VTI1A: variants seen among roughly 807,000 people sequenced by gnomAD.
VTI1A encodes vesicle transport through interaction with t-SNAREs homolog 1A.
VTI1A carries 22 observed loss-of-function variants against 34.9 expected under a neutral mutation model. That is an observed-to-expected ratio of 0.63 (90% CI 0.45 to 0.90). The LOEUF (loss-of-function observed/expected upper bound fraction) is 0.90. VTI1A is among the 40% of genes least tolerant of loss of function. The pLI, the probability that VTI1A is intolerant of heterozygous loss-of-function variation, is 0.00. For synonymous variants in VTI1A, 87 were observed against 97.3 expected (o/e 0.89, Z 0.62); for missense variants, 268 against 275.6 (o/e 0.97, Z 0.20).
intron 3 of VTI1A, among the ~76,000 whole-genome samples, chr10:112,501,673 G>A (rs1055485442): frequency 2.8e-4 from 5 of 17,680 alleles, no homozygotes; most frequent in East Asian, 3.0e-3. Context: ...CCCACCTCCC[G>A]CCCTCAGAAA....
At chr10:112,565,896 T>C (rs1312431492) in intron 5 of VTI1A, among the ~76,000 whole-genome samples, 1 of 152,176 alleles carries the variant, frequency 6.6e-6, no homozygotes, top group Non-Finnish European at 1.5e-5. Flanking sequence ...TTATTTACTA[T>C]TTCCCATAGA....
At chr10:112,831,950 G>A in the VTI1A span, 1 of 152,186 alleles carries the variant, frequency 6.6e-6, no homozygotes, top group Non-Finnish European at 1.5e-5. Flanking sequence ...TGAGGTTTCG[G>A]CCGCTGTACA....
chr10:112,510,255 G>C (rs1849560213), intron 3 of VTI1A, among the ~76,000 whole-genome samples: 2 of 152,108 alleles, frequency 1.3e-5, no homozygotes. Context: ...GTTCCTCTAG[G>C]CATTTTTGTA....
intron 3 of VTI1A, among the ~76,000 whole-genome samples, chr10:112,475,196 G>T (rs1008098237): frequency 2.0e-5 from 3 of 152,226 alleles, no homozygotes; most frequent in African/African-American, 7.2e-5. Context: ...TTCTTCCAAT[G>T]TGACTATTTT....
the VTI1A span, among the ~76,000 whole-genome samples, chr10:112,837,550 G>C: frequency 6.6e-6 from 1 of 152,190 alleles, no homozygotes; most frequent in Non-Finnish European, 1.5e-5. Context: ...AGGAATCCTT[G>C]GTTCTGCTCC....
intron 5 of VTI1A, among the ~76,000 whole-genome samples, chr10:112,641,905 T>C (rs549951614): frequency 6.6e-6 from 1 of 152,294 alleles, no homozygotes; most frequent in East Asian, 1.9e-4. Flanking sequence ...AGAGGAACTG[T>C]TGGGCTTTGT....
intron 7 of VTI1A, among the ~76,000 whole-genome samples, chr10:112,711,252 T>C (rs1047359542): frequency 2.0e-5 from 3 of 152,222 alleles, no homozygotes; most frequent in Admixed American, 1.3e-4. Context: ...TTGTGCAGAA[T>C]AGCCCTTACC....
At chr10:112,671,554 T>A (rs1056012150) in intron 7 of VTI1A, among the ~76,000 whole-genome samples, 6 of 152,344 alleles carry the variant, frequency 3.9e-5, no homozygotes, top group South Asian at 2.1e-4. Flanking sequence ...ATTTTTAAAA[T>A]TTTTTAAACC....
intron 7 of VTI1A, among the ~76,000 whole-genome samples, chr10:112,777,362 G>A (rs981977977): frequency 3.9e-5 from 6 of 152,104 alleles, no homozygotes; most frequent in African/African-American, 1.4e-4. Flanking sequence ...AAAATTTCAG[G>A]ACCTTATGCA....
chr10:112,708,238 T>G (rs987876917), intron 7 of VTI1A, among the ~76,000 whole-genome samples: 1 of 152,260 alleles, frequency 6.6e-6, no homozygotes, highest in African/African-American at 2.4e-5. Context: ...TGTATATTAC[T>G]GTAGGTTTGT....
intron 5 of VTI1A, among the ~76,000 whole-genome samples, chr10:112,620,517 G>A (rs1012886415): frequency 3.9e-5 from 6 of 152,092 alleles, no homozygotes; most frequent in Non-Finnish European, 5.9e-5. Context: ...CTGGCTGGGC[G>A]CGGTGGCTCA....
chr10:112,573,041 C>T (rs1852202402), intron 5 of VTI1A, among the ~76,000 whole-genome samples: 1 of 151,972 alleles, frequency 6.6e-6, no homozygotes, highest in Non-Finnish European at 1.5e-5. Flanking sequence ...TGTTACCCAA[C>T]TCCTGTAGTG....
At chr10:112,621,990 G>A (rs773363627) in intron 5 of VTI1A, among the ~76,000 whole-genome samples, 4 of 152,156 alleles carry the variant, frequency 2.6e-5, no homozygotes, top group East Asian at 1.9e-4. Context: ...TGTGGGAGTC[G>A]AGAGAGAGAA....
chr10:112,811,711 A>AGATG lies in VTI1A; in HGVS notation c.561-3579_561-3578insGATG, dbSNP rs1554965461. On this transcript the variant is annotated intron_variant, in intron 7 of 7. Coordinates refer to ENST00000393077, the MANE Select transcript of VTI1A (RefSeq NM_145206.4). The stretch of plus-strand genomic sequence containing the variant: ...AAAAAAAAAAAAAAAAAAAAAAAAA[A>AGATG]AGAGTGCAGTCCATGCCTGGAAGTA... Among the ~76,000 whole-genome samples the AGATG allele has an allele frequency of 5.7e-3, 674 of 117,464 alleles. 120 individuals carry two copies. The highest frequency in any genetic ancestry group is 9.4e-3 in the Middle Eastern group (2 of 212). The allele number at this position is 117,464 out of a possible 152,430, so 77.1% of individuals were successfully genotyped here. A position where few individuals can be genotyped will look rare whatever the true frequency, so the allele number is the denominator to read the frequency against.
At chr10:112,725,842 T>C (rs1850002445) in intron 7 of VTI1A, among the ~76,000 whole-genome samples, 2 of 152,162 alleles carry the variant, frequency 1.3e-5, no homozygotes, top group South Asian at 4.1e-4. Flanking sequence ...TTATCTATTT[T>C]ATAGGTGTCC....
intron 5 of VTI1A, among the ~76,000 whole-genome samples, chr10:112,595,109 T>C (rs1844572741): frequency 6.7e-6 from 1 of 148,420 alleles, no homozygotes; most frequent in South Asian, 2.2e-4. Context: ...GCTAGCCATA[T>C]GTAGAAAGCT....
At position 112,736,669 on chromosome 10, in the gene VTI1A, G is replaced by A. The variant is rs1850486833; in HGVS notation, c.560+67671G>A. On this transcript the variant is annotated intron_variant, in intron 7 of 7. Transcript: ENST00000393077. ...ACAAGTATACAAACTAGTGCATTTA[G>A]CAATGAGGGATGGTGAGAAATGCTA... The A allele has an allele frequency of 4.7e-5, 73 of 1,550,532 alleles. 3 individuals carry two copies. The South Asian group carries it at 7.9e-4, about 17-fold the overall frequency.
chr10:112,497,243 A>G (rs1410466964), intron 3 of VTI1A, among the ~76,000 whole-genome samples: 1 of 151,910 alleles, frequency 6.6e-6, no homozygotes, highest in Non-Finnish European at 1.5e-5. Context: ...ACTTGAACCC[A>G]GGAGGTGGAG....
chr10:112,541,682 A>T (rs1046919278), intron 5 of VTI1A, among the ~76,000 whole-genome samples: 2 of 152,188 alleles, frequency 1.3e-5, no homozygotes, highest in Admixed American at 1.3e-4. Flanking sequence ...TTCTTGAATC[A>T]TTTTTGACAT....
Sources: allele counts gnomAD v4.1 joint callset (sites outside exome capture counted in the v4.1 genomes callset), GRCh38; gene constraint gnomAD v4.1.1; transcripts MANE v1.5; gene names NCBI Gene and HGNC (gene_info 2026-07-23, HGNC 2026-07-21).